Variants in PARD3B observed in about 807,000 individuals in gnomAD.
PARD3B encodes partitioning defective 3 homolog B.
A neutral mutation model predicts 130.2 loss-of-function variants in PARD3B; 103 were observed. The ratio of observed to expected loss-of-function variants is 0.79; its 90% CI spans 0.67 to 0.93. PARD3B has a LOEUF of 0.93. Among genes scored for constraint, PARD3B ranks in the 40% least tolerant of loss-of-function variants. The probability of loss-of-function intolerance (pLI) is 0.00; values close to 1 mark genes in which losing one functional copy is unlikely to be tolerated. For synonymous variants in PARD3B, 583 were observed against 553.2 expected (o/e 1.05, Z -0.76); for missense variants, 1,609 against 1,499.2 (o/e 1.07, Z -1.21).
chr2:204,751,172 T>C (rs1410896399), intron 2 of PARD3B, among the ~76,000 whole-genome samples: 1 of 152,182 alleles, frequency 6.6e-6, no homozygotes, highest in Non-Finnish European at 1.5e-5. Context: ...GCTTCTTTTT[T>C]TGACTTGTGA....
intron 1 of PARD3B, among the ~76,000 whole-genome samples, chr2:204,644,013 T>C (rs548013067): frequency 6.6e-6 from 1 of 152,314 alleles, no homozygotes; most frequent in South Asian, 2.1e-4. Flanking sequence ...TCAAGCCTCT[T>C]GTAAGAATTC....
intron 18 of PARD3B, among the ~76,000 whole-genome samples, chr2:205,396,596 AT>A (rs2046039624): frequency 6.6e-6 from 1 of 152,238 alleles, no homozygotes; most frequent in African/African-American, 2.4e-5. Context: ...AAGATCCATC[AT>A]AAGATTCTTT....
At chr2:204,711,941 G>A (rs994452927) in intron 2 of PARD3B, among the ~76,000 whole-genome samples, 2 of 152,084 alleles carry the variant, frequency 1.3e-5, no homozygotes, top group Non-Finnish European at 2.9e-5. Context: ...GGAAGAATTG[G>A]GATTTAATCC....
chr2:205,192,175 T>C (rs111589554), intron 14 of PARD3B, among the ~76,000 whole-genome samples: 1 of 152,280 alleles, frequency 6.6e-6, no homozygotes, highest in Non-Finnish European at 1.5e-5. Context: ...ATTAAACTTA[T>C]TTTGGTATTT....
chr2:205,139,150 G>C (rs553090029), intron 10 of PARD3B, among the ~76,000 whole-genome samples: 2 of 152,032 alleles, frequency 1.3e-5, no homozygotes, highest in African/African-American at 4.8e-5. Flanking sequence ...TTGGCTAAGA[G>C]AGAAATGTAG....
intron 2 of PARD3B, among the ~76,000 whole-genome samples, chr2:204,854,065 C>A (rs1484297500): frequency 1.3e-5 from 2 of 151,896 alleles, no homozygotes; most frequent in Non-Finnish European, 2.9e-5. Context: ...TTGCGAAGAT[C>A]CTGAGAAAGA....
intron 2 of PARD3B, among the ~76,000 whole-genome samples, chr2:204,867,310 G>C (rs2045464337): frequency 6.6e-6 from 1 of 152,028 alleles, no homozygotes; most frequent in South Asian, 2.1e-4. Context: ...AATTCTTTCT[G>C]GTTTGTTATA....
At chr2:204,726,049 AGATT>A (rs761482579) in intron 2 of PARD3B, among the ~76,000 whole-genome samples, 28 of 152,182 alleles carry the variant, frequency 1.8e-4, no homozygotes, top group Non-Finnish European at 1.5e-4. Context: ...ACTAACAGAC[AGATT>A]GAGTCCAGCT....
intron 2 of PARD3B, among the ~76,000 whole-genome samples, chr2:204,741,198 A>G (rs1269008021): frequency 1.3e-5 from 2 of 152,216 alleles, no homozygotes; most frequent in African/African-American, 4.8e-5. Context: ...AGGAAGGCAG[A>G]AAACATTACT....
At chr2:204,546,226 C>A in intron 1 of PARD3B, 107 bp downstream of exon 1, 1 of 1,445,702 alleles carries the variant, frequency 6.9e-7, no homozygotes, top group Non-Finnish European at 9.4e-7. Flanking sequence ...GATTATGGGG[C>A]ACTGCCTGTA....
chr2:204,965,396 T>C (rs1691147078), intron 3 of PARD3B, 73 bp downstream of exon 3: 1 of 1,439,888 alleles, frequency 6.9e-7, no homozygotes, highest in Non-Finnish European at 9.5e-7. Context: ...GCATTGTTTC[T>C]TCTTTGTGAC....
At chr2:204,860,161 G>A (rs2045123371) in intron 2 of PARD3B, among the ~76,000 whole-genome samples, 1 of 151,972 alleles carries the variant, frequency 6.6e-6, no homozygotes, top group Admixed American at 6.6e-5. Context: ...ATAAAAATGT[G>A]TTATATCAAT....
intron 1 of PARD3B, among the ~76,000 whole-genome samples, chr2:204,626,514 G>C (rs2034492488): frequency 6.6e-6 from 1 of 151,324 alleles, no homozygotes; most frequent in Non-Finnish European, 1.5e-5. Context: ...TACATTATTT[G>C]AATACAGATA....
intron 1 of PARD3B, among the ~76,000 whole-genome samples, chr2:204,643,104 A>C (rs1574605508): frequency 7.5e-6 from 1 of 133,876 alleles, no homozygotes; most frequent in African/African-American, 3.1e-5. Flanking sequence ...ACAGAGGGAG[A>C]CTCTGTCTCA....
chr2:204,646,591 C>A (rs994898735), intron 1 of PARD3B, among the ~76,000 whole-genome samples: 3 of 151,992 alleles, frequency 2.0e-5, no homozygotes, highest in Non-Finnish European at 4.4e-5. Flanking sequence ...GATGAATATT[C>A]TGAGACATAC....
intron 10 of PARD3B, among the ~76,000 whole-genome samples, chr2:205,152,600 T>TC (rs2033835305): frequency 6.6e-6 from 1 of 152,202 alleles, no homozygotes; most frequent in African/African-American, 2.4e-5. Context: ...GGTTTTCAGC[T>TC]CCATCGGGTC....
intron 16 of PARD3B, among the ~76,000 whole-genome samples, chr2:205,255,403 G>GT (rs1234125694): frequency 6.6e-6 from 1 of 152,050 alleles, no homozygotes; most frequent in Non-Finnish European, 1.5e-5. Flanking sequence ...AATGTGTATG[G>GT]TTTTTCCCCA....
At chr2:205,159,922 G>T (rs1412953176) in intron 11 of PARD3B, among the ~76,000 whole-genome samples, 1 of 152,164 alleles carries the variant, frequency 6.6e-6, no homozygotes, top group Non-Finnish European at 1.5e-5. Flanking sequence ...GTCACCAGCT[G>T]CTGATAAATG....
chr2:204,742,303 T>C (rs1325261053), intron 2 of PARD3B, among the ~76,000 whole-genome samples: 1 of 152,170 alleles, frequency 6.6e-6, no homozygotes, highest in African/African-American at 2.4e-5. Flanking sequence ...AATTTAAAAA[T>C]GGGGAATGCA....
Sources: allele counts gnomAD v4.1 joint callset (sites outside exome capture counted in the v4.1 genomes callset), GRCh38; gene constraint gnomAD v4.1.1; transcripts MANE v1.5; gene names NCBI Gene and HGNC (gene_info 2026-07-23, HGNC 2026-07-21).